The following DIP2B variants were observed in gnomAD, a reference collection of about 807,000 sequenced individuals.
DIP2B encodes DIP2 acetate--CoA ligase B (putative).
Under a neutral mutation model 198.0 loss-of-function variants are expected in DIP2B, and 76 were observed. The observed-to-expected ratio is 0.38, with a 90% CI of 0.32 to 0.46. The LOEUF (loss-of-function observed/expected upper bound fraction) is 0.46. Ranked by LOEUF, DIP2B falls within the 20% of genes least tolerant of loss-of-function variation. The pLI is 0.99. For missense variants in DIP2B, 1,559 were observed against 1,978.4 expected (o/e 0.79, Z 4.02); for synonymous variants, 701 against 739.1 (o/e 0.95, Z 0.84).
intron 1 of DIP2B, among the ~76,000 whole-genome samples, chr12:50,581,324 A>G (rs981109017): frequency 2.0e-5 from 3 of 149,538 alleles, no homozygotes; most frequent in Admixed American, 6.8e-5. Flanking sequence ...CCGCTACTGC[A>G]TAAAGAAAAT....
At chr12:50,508,841 G>A (rs779817686) in intron 1 of DIP2B, among the ~76,000 whole-genome samples, 3 of 152,000 alleles carry the variant, frequency 2.0e-5, no homozygotes, top group Non-Finnish European at 4.4e-5. Flanking sequence ...TGAGTAGCTG[G>A]GATTACAGGC....
chr12:50,583,353 A>G (rs991789412), intron 1 of DIP2B, among the ~76,000 whole-genome samples: 4 of 151,110 alleles, frequency 2.6e-5, no homozygotes, highest in African/African-American at 9.8e-5. Context: ...CCAGTTGGTT[A>G]TAGTGGTGGC....
chr12:50,695,813 T>G (rs1939300915), intron 15 of DIP2B, 35 bp from the exon 16 acceptor site: 1 of 1,610,890 alleles, frequency 6.2e-7, no homozygotes, highest in Admixed American at 1.7e-5. Context: ...CCAAATTTAT[T>G]GTGTATGTTA....
intron 1 of DIP2B, among the ~76,000 whole-genome samples, chr12:50,579,025 G>T (rs1201403273): frequency 6.6e-6 from 1 of 152,124 alleles, no homozygotes; most frequent in East Asian, 1.9e-4. Flanking sequence ...CACGGTAAAA[G>T]ATATTGATTT....
chr12:50,511,289 C>CTGTTTTTTTTTTTTTTTT, intron 1 of DIP2B, among the ~76,000 whole-genome samples: 1 of 20,944 alleles, frequency 4.8e-5, no homozygotes, highest in Non-Finnish European at 1.1e-4. Context: ...AGTGTGATTT[C>CTGTTTTTTTTTTTTTTTT]TATTTTTTTT....
At chr12:50,632,957 T>A (rs1593672288) in intron 2 of DIP2B, among the ~76,000 whole-genome samples, 1 of 151,442 alleles carries the variant, frequency 6.6e-6, no homozygotes, top group South Asian at 2.1e-4. Flanking sequence ...AAAAAAAAAA[T>A]AATTAGAGAC....
chr12:50,725,823 C>T (rs1457392737), intron 28 of DIP2B, among the ~76,000 whole-genome samples: 1 of 151,732 alleles, frequency 6.6e-6, no homozygotes, highest in Non-Finnish European at 1.5e-5. Context: ...GGCTCCATTC[C>T]CAGCCTCTTA....
At chr12:50,725,710 T>G (rs1050058084) in intron 28 of DIP2B, among the ~76,000 whole-genome samples, 1 of 152,218 alleles carries the variant, frequency 6.6e-6, no homozygotes, top group Non-Finnish European at 1.5e-5. Context: ...ATTTTATCCT[T>G]ACAATAACCC....
chr12:50,686,413 T>C (rs1939131304), intron 11 of DIP2B, among the ~76,000 whole-genome samples, 160 bp from the exon 12 acceptor site: 1 of 152,188 alleles, frequency 6.6e-6, no homozygotes, highest in African/African-American at 2.4e-5. Flanking sequence ...GAAGGTATAA[T>C]TGTCTGGTGA....
intron 22 of DIP2B, among the ~76,000 whole-genome samples, chr12:50,713,573 G>A (rs866824199): frequency 4.6e-5 from 7 of 152,174 alleles, no homozygotes; most frequent in Non-Finnish European, 8.8e-5. Context: ...TCCAATGCTC[G>A]GTGTGCTATG....
At chr12:50,716,759 A>G (rs1015726440) in intron 23 of DIP2B, among the ~76,000 whole-genome samples, 1 of 152,160 alleles carries the variant, frequency 6.6e-6, no homozygotes, top group Non-Finnish European at 1.5e-5. Context: ...CTAGCTGGCA[A>G]TAAGCTTTGT....
intron 1 of DIP2B, among the ~76,000 whole-genome samples, chr12:50,560,331 C>CT (rs1958508172): frequency 6.7e-6 from 1 of 148,962 alleles, no homozygotes; most frequent in African/African-American, 2.5e-5. Context: ...GGAGGTGGAG[C>CT]TTGCAGTGAG....
At chr12:50,560,408 A>AAC (rs1555184118) in intron 1 of DIP2B, among the ~76,000 whole-genome samples, 5 of 149,902 alleles carry the variant, frequency 3.3e-5, no homozygotes, top group Non-Finnish European at 7.4e-5. Flanking sequence ...AAAAAAAAAA[A>AAC]AGCAAAAAAC....
At chr12:50,529,572 A>G (rs190135855) in intron 1 of DIP2B, among the ~76,000 whole-genome samples, 1 of 152,328 alleles carries the variant, frequency 6.6e-6, no homozygotes, top group Non-Finnish European at 1.5e-5. Flanking sequence ...GACAGTGGTT[A>G]GGGCTGACAG....
At chr12:50,521,700 T>A (rs1958121685) in intron 1 of DIP2B, among the ~76,000 whole-genome samples, 1 of 151,820 alleles carries the variant, frequency 6.6e-6, no homozygotes, top group Non-Finnish European at 1.5e-5. Context: ...TTCTCCGTGT[T>A]AGCCAGGCTG....
At chr12:50,562,332 G>C (rs565526160) in intron 1 of DIP2B, among the ~76,000 whole-genome samples, 1 of 151,994 alleles carries the variant, frequency 6.6e-6, no homozygotes, top group African/African-American at 2.4e-5. Context: ...GGTCTCTTCC[G>C]TATATAGGGT....
chr12:50,732,462 A>G lies in DIP2B; in HGVS notation c.3907A>G (p.Lys1303Glu), dbSNP rs771085702. 6.2e-7 allele frequency: 1 copy of G among 1,614,252 alleles called. No homozygotes were observed. The highest frequency in any genetic ancestry group is 1.1e-5 in the South Asian group (1 of 91,092). ...CCAGCAGTCCTTCTCTAAGCTCTTC[A>G]AAGACATCGGGCTGTCCCCGCGGGC... is the stretch of plus-strand genomic sequence containing the variant. ...ALQQSFSKLF[K>E]DIGLSPRAVS... is the part of the protein sequence containing the mutation. Residue 1303 changes from lysine (K) to glutamate (E), a missense_variant, in exon 32 of 38, where the codon AAA (lysine) becomes GAA (glutamate). Transcript: ENST00000301180.
chr12:50,598,988 T>TAA (rs113915324), intron 1 of DIP2B, among the ~76,000 whole-genome samples: 21,000 of 106,172 alleles, frequency 0.2, 2,460 homozygotes, highest in East Asian at 0.38. Flanking sequence ...ATATAAACAT[T>TAA]AAAAAAAAAA....
chr12:50,510,483 T>G (rs1355612077), intron 1 of DIP2B, among the ~76,000 whole-genome samples: 1 of 152,236 alleles, frequency 6.6e-6, no homozygotes, highest in East Asian at 1.9e-4. Context: ...TGAAAGTTCA[T>G]ATGACTGGCT....
Sources: gnomAD v4.1 joint callset for allele counts (sites outside exome capture counted in the v4.1 genomes callset) on GRCh38, gnomAD v4.1.1 for gene constraint, MANE v1.5 for transcripts, NCBI Gene and HGNC (gene_info 2026-07-23, HGNC 2026-07-21) for gene names.